Variants in ACVR1 observed in about 807,000 individuals in gnomAD.
The protein encoded by ACVR1 is activin receptor type-1.
Under a neutral mutation model 57.1 loss-of-function variants are expected in ACVR1, and 38 were observed. The observed-to-expected ratio is 0.67, with a 90% CI of 0.51 to 0.87. ACVR1 has a LOEUF of 0.87. Ranked by LOEUF, ACVR1 falls within the 40% of genes least tolerant of loss-of-function variation. The probability of loss-of-function intolerance (pLI) is 0.00; values close to 1 mark genes in which losing one functional copy is unlikely to be tolerated. For synonymous variants in ACVR1, 212 were observed against 228.1 expected, an observed-to-expected ratio of 0.93 and a Z score of 0.63; for missense variants, 463 against 638.2, an observed-to-expected ratio of 0.73 and a Z score of 2.96.
At chr2:157,803,396 G>A (rs1687397035) in intron 2 of ACVR1, among the ~76,000 whole-genome samples, 1 of 152,062 alleles carries the variant, frequency 6.6e-6, no homozygotes, top group Admixed American at 6.6e-5. Flanking sequence ...ATTTTGTTCA[G>A]GGTCTGCAGT....
chr2:157,736,740 T>A lies in ACVR1; in HGVS notation c.*791A>T, dbSNP rs74392193. The A allele has an allele frequency of 9.7e-3, 3,338 of 343,062 alleles. 87 individuals are homozygous for A. The highest frequency in any genetic ancestry group is 0.059 in the African/African-American group (2,826 of 47,748). The allele number at this position is 343,062 out of a possible 1,614,324, so 21.3% of individuals were successfully genotyped here. A position where few individuals can be genotyped will look rare whatever the true frequency, so the allele number is the denominator to read the frequency against. Reference sequence around the variant, plus strand: ...CAAATGTGAAGCACTTAAAATGTGATTTTAACTGATAATAAAAGAAAATGT... The same window carrying A: ...CAAATGTGAAGCACTTAAAATGTGAATTTAACTGATAATAAAAGAAAATGT... On this transcript the variant is annotated 3_prime_UTR_variant, in exon 11 of 11. Coordinates refer to ENST00000434821, the MANE Select transcript of ACVR1 (RefSeq NM_001111067.4).
intron 1 of ACVR1, among the ~76,000 whole-genome samples, chr2:157,868,079 T>C (rs1319997324): frequency 1.3e-5 from 2 of 152,116 alleles, no homozygotes; most frequent in African/African-American, 4.8e-5. Context: ...TCAAGTCACA[T>C]CACAAAGCAC....
chr2:157,872,836 A>G (rs1251076253), intron 1 of ACVR1, among the ~76,000 whole-genome samples: 1 of 152,190 alleles, frequency 6.6e-6, no homozygotes, highest in Admixed American at 6.5e-5. Context: ...ATCAGCACCT[A>G]TGAACCCATC....
chr2:157,790,356 G>T (rs1013318755), intron 3 of ACVR1: 1 of 152,206 alleles, frequency 6.6e-6, no homozygotes, highest in African/African-American at 2.4e-5. Flanking sequence ...CTCCTCCCAA[G>T]ATGGGAGCAA....
At chr2:157,785,168 G>A (rs1347870352) in intron 3 of ACVR1, among the ~76,000 whole-genome samples, 2 of 152,196 alleles carry the variant, frequency 1.3e-5, no homozygotes, top group Non-Finnish European at 2.9e-5. Flanking sequence ...GCAGCAAAAG[G>A]AACAGGCTGA....
chr2:157,823,942 C>T (rs1338266169), intron 1 of ACVR1, among the ~76,000 whole-genome samples: 3 of 152,140 alleles, frequency 2.0e-5, no homozygotes, highest in Admixed American at 6.5e-5. Flanking sequence ...GAGATGGGTC[C>T]CAGCCCTGGC....
Position 157,876,116 on chromosome 2 carries a change from G to C in ACVR1, c.-503C>G, listed in dbSNP as rs1233043096. On this transcript the variant is annotated 5_prime_UTR_variant, in exon 1 of 11. Coordinates refer to ENST00000434821, the MANE Select transcript of ACVR1 (RefSeq NM_001111067.4). ...CGGGGGAAAGAGCCGGGGGAGGGCG[G>C]GGAGGCGGGGTGAAGAGGAGGAGGA... is the stretch of plus-strand genomic sequence containing the variant. Among the ~76,000 whole-genome samples, 2 of 150,690 alleles carry C rather than the reference G, an allele frequency of 1.3e-5. No homozygotes were observed. The highest frequency in any genetic ancestry group is 4.9e-5 in the African/African-American group (2 of 41,136).
At chr2:157,773,140 A>G (rs541302694) in intron 6 of ACVR1, among the ~76,000 whole-genome samples, 1 of 152,266 alleles carries the variant, frequency 6.6e-6, no homozygotes, top group Admixed American at 6.5e-5. Context: ...TTGCCAACCC[A>G]TTATTGCTAC....
At chr2:157,844,765 C>G (rs1180042666) in intron 1 of ACVR1, among the ~76,000 whole-genome samples, 5 of 152,084 alleles carry the variant, frequency 3.3e-5, no homozygotes, top group Non-Finnish European at 7.3e-5. Flanking sequence ...ACATTGGAAC[C>G]TAATACCCAA....
chr2:157,820,546 C>A (rs1688126106), intron 1 of ACVR1, among the ~76,000 whole-genome samples: 1 of 151,638 alleles, frequency 6.6e-6, no homozygotes, highest in African/African-American at 2.4e-5. Flanking sequence ...TTTTCTGATT[C>A]TCTTTTTAAA....
intron 3 of ACVR1, among the ~76,000 whole-genome samples, chr2:157,789,023 C>T (rs1162129189): frequency 6.6e-6 from 1 of 152,154 alleles, no homozygotes; most frequent in Non-Finnish European, 1.5e-5. Context: ...TCTTCTTTCC[C>T]CTATCAGTCT....
intron 2 of ACVR1, among the ~76,000 whole-genome samples, chr2:157,807,853 T>TGGG (rs1687606136): frequency 1.4e-4 from 1 of 7,256 alleles, no homozygotes; most frequent in Non-Finnish European, 4.8e-4. Context: ...CTATAATAAT[T>TGGG]TGGGGGGGGG....
intron 1 of ACVR1, among the ~76,000 whole-genome samples, chr2:157,859,259 G>A (rs904421306): frequency 1.3e-5 from 2 of 152,170 alleles, no homozygotes; most frequent in Non-Finnish European, 2.9e-5. Context: ...AGTGACCTCT[G>A]GTCGTCCTCA....
intron 2 of ACVR1, among the ~76,000 whole-genome samples, chr2:157,808,354 G>T (rs1301739809): frequency 6.6e-6 from 1 of 152,202 alleles, no homozygotes; most frequent in East Asian, 1.9e-4. Context: ...TGTGGAGAGA[G>T]GAAGGTGAAG....
At chr2:157,800,954 C>G (rs1687302724) in intron 2 of ACVR1, among the ~76,000 whole-genome samples, 1 of 151,962 alleles carries the variant, frequency 6.6e-6, no homozygotes, top group African/African-American at 2.4e-5. Flanking sequence ...CAAAGGTAAG[C>G]CCTTGGTGAA....
chr2:157,855,806 C>T (rs530233820), intron 1 of ACVR1, among the ~76,000 whole-genome samples: 2 of 152,002 alleles, frequency 1.3e-5, no homozygotes, highest in African/African-American at 4.8e-5. Flanking sequence ...GTGGCTGCAT[C>T]GAGTGGTGGG....
intron 1 of ACVR1, among the ~76,000 whole-genome samples, chr2:157,832,787 T>A (rs1036800922): frequency 1.3e-5 from 2 of 152,302 alleles, no homozygotes; most frequent in African/African-American, 4.8e-5. Flanking sequence ...GAGTCTTTTC[T>A]TCACAAGCCT....
chr2:157,803,164 C>T (rs569907237), intron 2 of ACVR1, among the ~76,000 whole-genome samples: 1 of 151,902 alleles, frequency 6.6e-6, no homozygotes, highest in African/African-American at 2.4e-5. Context: ...GCATATTTTC[C>T]ACGTCACAAA....
intron 9 of ACVR1, among the ~76,000 whole-genome samples, chr2:157,749,778 G>A (rs74713618): frequency 0.017 from 2,590 of 152,274 alleles, 67 homozygotes; most frequent in African/African-American, 0.056. Flanking sequence ...TCTGAAGAAA[G>A]GCTTCCGCCA....
Sources: gnomAD v4.1 joint callset for allele counts (sites outside exome capture counted in the v4.1 genomes callset) on GRCh38, gnomAD v4.1.1 for gene constraint, MANE v1.5 for transcripts, NCBI Gene and HGNC (gene_info 2026-07-23, HGNC 2026-07-21) for gene names.